TIMELESS: variants seen among roughly 807,000 people sequenced by gnomAD.
TIMELESS encodes the protein timeless circadian regulator, also known as protein timeless homolog.
In TIMELESS, 124 loss-of-function variants were observed where a neutral mutation model predicts 164.3. That is an observed-to-expected ratio of 0.75 (90% CI 0.65 to 0.88). The LOEUF is 0.88. Among genes scored for constraint, TIMELESS ranks in the 40% least tolerant of loss-of-function variants. TIMELESS has a pLI of 0.00. For synonymous variants in TIMELESS, 564 were observed against 563.4 expected, an observed-to-expected ratio of 1.00 and a Z score of -0.02; for missense variants, 1,422 against 1,491.4, an observed-to-expected ratio of 0.95 and a Z score of 0.77.
chr12:56,424,906 T>C lies in TIMELESS; in HGVS notation c.1724A>G (p.Glu575Gly). Reference protein sequence around the residue: ...EQLQCCAQNSELSMDSVVPFD... With the variant: ...EQLQCCAQNSGLSMDSVVPFD... Reference sequence around the variant, plus strand: ...GGGAACCACGGAGTCCATGCTGAGCTCAGAATTCTAGAGATGGATAAAGCT... The same window carrying C: ...GGGAACCACGGAGTCCATGCTGAGCCCAGAATTCTAGAGATGGATAAAGCT... Residue 575 changes from glutamate (E) to glycine (G), a missense_variant, in exon 15 of 29, where the codon GAG becomes GGG. Physicochemically the swap from Glu to Gly is moderately conservative, Grantham distance 98 (BLOSUM62 -2). Transcript: ENST00000553532. 3 of 1,614,192 alleles carry C rather than the reference T, an allele frequency of 1.9e-6. No individual in the cohort carries two copies. Among genetic ancestry groups the C allele is most frequent in the Non-Finnish European group, 2.5e-6 (3 of 1,180,032 alleles).
chr12:56,448,572 T>C (rs1012503664), intron 1 of TIMELESS, among the ~76,000 whole-genome samples: 1 of 150,496 alleles, frequency 6.6e-6, no homozygotes, highest in African/African-American at 2.4e-5. Flanking sequence ...CTAAAAAAAA[T>C]ACAAAAATTA....
intron 13 of TIMELESS, among the ~76,000 whole-genome samples, chr12:56,427,696 C>T (rs1272016194): frequency 6.6e-6 from 1 of 152,158 alleles, no homozygotes; most frequent in East Asian, 1.9e-4. Context: ...CTGTCTCAGC[C>T]TTCTGAGTAG....
chr12:56,421,124 G>A lies in TIMELESS; in HGVS notation c.2879C>T (p.Ala960Val), dbSNP rs374201861. 9 of 1,613,874 alleles carry A rather than the reference G, an allele frequency of 5.6e-6. No individual in the cohort carries two copies. The highest frequency in any genetic ancestry group is 4.4e-5 in the South Asian group (4 of 91,068). ...CTGGCAAAAATCTTTCAGGGACTCC[G>A]CTCCATTTGGCTAAAATTCATTGGG... ...KLASSILPNG[A>V]ESLKDFCQED... Residue 960 changes from alanine to valine, a missense_variant, in exon 24 of 29, where the codon GCG becomes GTG. Physicochemically the swap from Ala to Val is moderately conservative, Grantham distance 64 (BLOSUM62 0). Coordinates refer to ENST00000553532, the MANE Select transcript of TIMELESS (RefSeq NM_003920.5).
intron 18 of TIMELESS, 119 bp downstream of exon 18, chr12:56,423,155 A>T (rs528877446): frequency 8.2e-5 from 116 of 1,416,820 alleles, no homozygotes; most frequent in Non-Finnish European, 1.1e-4. Flanking sequence ...CTACTTTCTC[A>T]TTGTTTTCCC....
rs1881922332 is a variant in TIMELESS at position 56,432,464 on chromosome 12, G to C, written c.592C>G (p.Leu198Val). Residue 198 changes from leucine to valine, a missense_variant, in exon 7 of 29, where the codon CTG becomes GTG. By Grantham distance (32) the Leu-to-Val change is conservative. Coordinates refer to ENST00000553532, the MANE Select transcript of TIMELESS (RefSeq NM_003920.5). Reference protein sequence around the residue: ...QLLWAIHLSGLDDLLLFLASS... With the variant: ...QLLWAIHLSGVDDLLLFLASS... ...GCCAGAAAGAGGAGCAGGTCATCCAGGCCGCTGAGGTGAATCGCCCAGAGG... is the reference window on the plus strand; with the variant it reads ...GCCAGAAAGAGGAGCAGGTCATCCACGCCGCTGAGGTGAATCGCCCAGAGG... 1 of 1,614,050 alleles carries C rather than the reference G, an allele frequency of 6.2e-7. No homozygotes were observed. Among genetic ancestry groups the C allele is most frequent in the African/African-American group, 1.3e-5 (1 of 74,928 alleles).
rs775554266 is a variant in TIMELESS, at chr12:56,425,016, T to G, written c.1715A>C (p.Gln572Pro). Residue 572 changes from glutamine (Q) to proline (P), a missense_variant and splice_region_variant, in exon 14 of 29, where the codon CAG becomes CCG. Coordinates refer to ENST00000553532, the MANE Select transcript of TIMELESS (RefSeq NM_003920.5). ...GACAGGGTTTCTGTAACCACCTACC[T>G]GGGCACAGCACTGTAGCTGCTCAGC... ...ALAEQLQCCA[Q>P]NSELSMDSVV... is the part of the protein sequence containing the mutation. 3 of 1,614,088 alleles carry G rather than the reference T, an allele frequency of 1.9e-6. No homozygotes were observed. The highest frequency in any genetic ancestry group is 2.5e-6 in the Non-Finnish European group (3 of 1,180,034).
At position 56,423,433 on chromosome 12, in the gene TIMELESS, T is replaced by C. The variant is rs758597011; in HGVS notation, c.2133A>G (p.Leu711=). ...GGGCACTATTCTGCTGGTAGCTCCT[T>C]AGTAGCAGCACATAGGCTCGAACGA... ...STVVRAYVLL[L]RSYQQNSAHT... The change falls in exon 18 of 29, where the codon CTA becomes CTG. Residue 711 remains leucine, a synonymous_variant. Transcript: ENST00000553532. 12 of 1,613,964 alleles carry C rather than the reference T, an allele frequency of 7.4e-6. No homozygotes were observed. The highest frequency in any genetic ancestry group is 1.0e-5 in the Non-Finnish European group (12 of 1,180,024).
intron 1 of TIMELESS, among the ~76,000 whole-genome samples, chr12:56,444,020 C>T (rs1350359290): frequency 1.3e-5 from 2 of 151,464 alleles, no homozygotes; most frequent in East Asian, 1.9e-4. Context: ...GCCTCAGCTT[C>T]CCAAGTAGCT....
Position 56,417,761 on chromosome 12 carries a change from G to A in TIMELESS, c.3582C>T (p.Ile1194=), listed in dbSNP as rs1476884918. 6.2e-7 allele frequency: 1 copy of A among 1,613,998 alleles called. No homozygotes were observed. The highest frequency in any genetic ancestry group is 1.3e-5 in the African/African-American group (1 of 74,894). Residue 1194 remains isoleucine (I), a synonymous_variant, in exon 29 of 29, where the codon ATC becomes ATT. Coordinates refer to ENST00000553532, the MANE Select transcript of TIMELESS (RefSeq NM_003920.5). ...CAATCTGGTATCGTTTCTTCTTTTG[G>A]ATTCCTGGAGCTCCCAACTCTGGTG... is the stretch of plus-strand genomic sequence containing the variant. ...NRAPELGAPG[I]QKKKRYQIED...
chr12:56,431,735 ATCTG>A, intron 7 of TIMELESS, 131 bp from the exon 8 acceptor site: 2 of 1,140,764 alleles, frequency 1.8e-6, no homozygotes, highest in Non-Finnish European at 2.4e-6. Context: ...GTTCTCCCTT[ATCTG>A]AGGGGGAAAT....
At position 56,418,366 on chromosome 12, in the gene TIMELESS, G is replaced by A; in HGVS notation, c.3229-7C>T. 1 of 1,591,368 alleles carries A rather than the reference G, an allele frequency of 6.3e-7. No individual in the cohort carries two copies. Among genetic ancestry groups the A allele is most frequent in the African/African-American group, 1.4e-5 (1 of 73,584 alleles). Reference sequence around the variant, plus strand: ...GAATTCGCCAGAAGGTTTCCTACAGGGGCCAAAAAGTTGAAAAGGGAAAGG... The same window carrying A: ...GAATTCGCCAGAAGGTTTCCTACAGAGGCCAAAAAGTTGAAAAGGGAAAGG... On this transcript the variant is annotated splice_polypyrimidine_tract_variant and splice_region_variant and intron_variant, in intron 26 of 28. Coordinates refer to ENST00000553532, the MANE Select transcript of TIMELESS (RefSeq NM_003920.5).
chr12:56,434,243 G>C lies in TIMELESS; in HGVS notation c.-61-12C>G. Reference sequence around the variant, plus strand: ...AGAAATGATGAGGCCTGGAGAAATAGAGAAAGATAAAAAATGTAAGTTCCT... The same window carrying C: ...AGAAATGATGAGGCCTGGAGAAATACAGAAAGATAAAAAATGTAAGTTCCT... On this transcript the variant is annotated splice_polypyrimidine_tract_variant and intron_variant, in intron 1 of 28. Coordinates refer to ENST00000553532, the MANE Select transcript of TIMELESS (RefSeq NM_003920.5). 1 of 1,251,366 alleles carries C rather than the reference G, an allele frequency of 8.0e-7. No individual in the cohort carries two copies. Among genetic ancestry groups the C allele is most frequent in the South Asian group, 1.2e-5 (1 of 81,428 alleles). The allele number at this position is 1,251,366 out of a possible 1,614,324, so 77.5% of individuals were successfully genotyped here.
In TIMELESS at chr12:56,428,315, C is replaced by A. The variant is rs141152531; in HGVS notation, c.1499G>T (p.Arg500Leu). ...DERCQPRSFL[R>L]DLVETTHLFL... ...GAGGTGGGTGGTCTCCACCAGGTCACGAAGGAAAGAGCGGGGCTGGCATCT... is the reference window on the plus strand; with the variant it reads ...GAGGTGGGTGGTCTCCACCAGGTCAAGAAGGAAAGAGCGGGGCTGGCATCT... Residue 500 changes from arginine to leucine, a missense_variant, in exon 13 of 29, where the codon CGT (arginine) becomes CTT (leucine). By Grantham distance (102) the Arg-to-Leu change is moderately radical. Coordinates refer to ENST00000553532, the MANE Select transcript of TIMELESS (RefSeq NM_003920.5). 5 of 1,613,412 alleles carry A rather than the reference C, an allele frequency of 3.1e-6. No individual in the cohort carries two copies. The highest frequency in any genetic ancestry group is 4.2e-6 in the Non-Finnish European group (5 of 1,179,682).
intron 1 of TIMELESS, among the ~76,000 whole-genome samples, chr12:56,440,979 G>A (rs551988317): frequency 8.4e-6 from 1 of 119,252 alleles, no homozygotes; most frequent in East Asian, 2.1e-4. Context: ...CACCATGCCA[G>A]GCTAATTTTT....
At position 56,430,197 on chromosome 12, in the gene TIMELESS, G is replaced by C; in HGVS notation, c.994C>G (p.Arg332Gly). Residue 332 changes from arginine to glycine, a missense_variant, in exon 10 of 29, where the codon CGC becomes GGC. Coordinates refer to ENST00000553532, the MANE Select transcript of TIMELESS (RefSeq NM_003920.5). ...RQAARELSIQ[R>G]RSALNVRLFL... is the part of the protein sequence containing the mutation. ...AGCCTCACATTGAGGGCAGAACGGC[G>C]CTGAATGGACAGCTCTCGGGCGGCC... The C allele has an allele frequency of 6.2e-7, 1 of 1,614,084 alleles. No homozygotes were observed. The highest frequency in any genetic ancestry group is 2.2e-5 in the East Asian group (1 of 44,882).
In TIMELESS at chr12:56,428,271, G is replaced by A. The variant is rs143827740; in HGVS notation, c.1543C>T (p.Arg515Ter). Residue 515 changes from arginine to a stop codon, truncating the protein, a stop_gained, in exon 13 of 29, where the codon CGA becomes TGA. Transcript: ENST00000553532. LOFTEE classifies it high-confidence loss of function. ...TTHLFLKMLERFCRSRGNLVV... is the reference protein window; with the variant it reads ...TTHLFLKMLE ...AGGTTCCCACGGCTCCGACAGAATC[G>A]CTCCAACATTTTGAGGAAGAGGTGG... The A allele has an allele frequency of 3.7e-6, 6 of 1,610,022 alleles. No homozygotes were observed. The highest frequency in any genetic ancestry group is 5.1e-6 in the Non-Finnish European group (6 of 1,176,976).
At chr12:56,445,914 T>C (rs1429855915) in intron 1 of TIMELESS, among the ~76,000 whole-genome samples, 6 of 152,166 alleles carry the variant, frequency 3.9e-5, no homozygotes, top group Non-Finnish European at 8.8e-5. Context: ...CCAGACTTTT[T>C]TTCTTTTTTG....
intron 13 of TIMELESS, among the ~76,000 whole-genome samples, chr12:56,426,790 C>A (rs1170104502): frequency 2.6e-5 from 4 of 152,034 alleles, no homozygotes; most frequent in Admixed American, 2.6e-4. Context: ...GAACTCCTGA[C>A]CTCAAGTGAT....
intron 5 of TIMELESS, 94 bp from the exon 6 acceptor site, chr12:56,433,221 T>C (rs1484892289): frequency 2.8e-6 from 4 of 1,442,644 alleles, no homozygotes; most frequent in Non-Finnish European, 3.9e-6. Flanking sequence ...AGAAGCAGGA[T>C]TAAAAAGAAA....
Sources: allele counts gnomAD v4.1 joint callset (sites outside exome capture counted in the v4.1 genomes callset), GRCh38; gene constraint gnomAD v4.1.1; transcripts MANE v1.5; gene names NCBI Gene and HGNC (gene_info 2026-07-23, HGNC 2026-07-21).